DNAH9: variants seen among roughly 807,000 people sequenced by gnomAD.
The protein encoded by DNAH9 is dynein axonemal heavy chain 9.
Under a neutral mutation model 471.6 loss-of-function variants are expected in DNAH9, and 345 were observed. The ratio of observed to expected loss-of-function variants is 0.73; its 90% CI spans 0.67 to 0.80. DNAH9 has a LOEUF of 0.80. Ranked by LOEUF, DNAH9 falls within the 30% of genes least tolerant of loss-of-function variation. The pLI, the probability that DNAH9 is intolerant of heterozygous loss-of-function variation, is 0.00. For synonymous variants in DNAH9, 2,093 were observed against 2,123.6 expected, an observed-to-expected ratio of 0.99 and a Z score of 0.40; for missense variants, 5,407 against 5,609.2, an observed-to-expected ratio of 0.96 and a Z score of 1.15.
At chr17:11,622,968 C>CTTTTTTTTTTTTTTTTTTTTT (rs10551080) in intron 6 of DNAH9, among the ~76,000 whole-genome samples, 1 of 105,388 alleles carries the variant, frequency 9.5e-6, no homozygotes, top group Non-Finnish European at 1.9e-5. Context: ...TTTTCTTTTT[C>CTTTTTTTTTTTTTTTTTTTTT]TTTTTTTTTT....
chr17:11,939,904 G>A (rs1375993814), intron 66 of DNAH9, among the ~76,000 whole-genome samples: 1 of 151,746 alleles, frequency 6.6e-6, no homozygotes, highest in African/African-American at 2.4e-5. Flanking sequence ...GGATGGATGG[G>A]TGATGGGTAG....
At position 11,704,099 on chromosome 17, in the gene DNAH9, C is replaced by T; in HGVS notation, c.5152-104C>T. 5 of 1,300,924 alleles carry T rather than the reference C, an allele frequency of 3.8e-6. No homozygotes were observed. The South Asian group carries it at 4.0e-5, about 10-fold the overall frequency. The allele number at this position is 1,300,924 out of a possible 1,614,324, so 80.6% of individuals were successfully genotyped here. A position where few individuals can be genotyped will look rare whatever the true frequency, so the allele number is the denominator to read the frequency against. On this transcript the variant is annotated intron_variant, in intron 24 of 68. Coordinates refer to ENST00000262442, the MANE Select transcript of DNAH9 (RefSeq NM_001372.4). The stretch of plus-strand genomic sequence containing the variant: ...TGGTGGAAGAGGGAGGGATGGGGCT[C>T]ATGTCACCCACACAATTACATCCTG...
In DNAH9 at chr17:11,783,721, C is replaced by A. The variant is rs1054245982; in HGVS notation, c.7794C>A (p.Gly2598=). ...QYVSCMNPTA[G]SFTINPRLQR... Reference sequence around the variant, plus strand: ...TTTCCTGTATGAACCCCACGGCAGGCAGCTTCACCATCAACCCCCGGCTTC... The same window carrying A: ...TTTCCTGTATGAACCCCACGGCAGGAAGCTTCACCATCAACCCCCGGCTTC... The change falls in exon 40 of 69, where the codon GGC becomes GGA. Residue 2598 remains glycine, a synonymous_variant. Transcript: ENST00000262442. 6.2e-7 allele frequency: 1 copy of A among 1,614,138 alleles called. No individual in the cohort carries two copies. Among genetic ancestry groups the A allele is most frequent in the Non-Finnish European group, 8.5e-7 (1 of 1,180,014 alleles).
intron 1 of DNAH9, among the ~76,000 whole-genome samples, chr17:11,600,953 A>G (rs2072373306): frequency 6.6e-6 from 1 of 152,218 alleles, no homozygotes; most frequent in Non-Finnish European, 1.5e-5. Context: ...ACACACACCC[A>G]GCAAGCCACA....
chr17:11,828,611 T>C (rs1207043181), intron 48 of DNAH9, among the ~76,000 whole-genome samples: 2 of 152,188 alleles, frequency 1.3e-5, no homozygotes, highest in Admixed American at 1.3e-4. Context: ...CCCTTGCATA[T>C]TTCTGCATCC....
chr17:11,825,890 A>C (rs1416537282), intron 48 of DNAH9, among the ~76,000 whole-genome samples: 5 of 152,222 alleles, frequency 3.3e-5, no homozygotes, highest in Non-Finnish European at 5.9e-5. Context: ...GGCAATTCCC[A>C]GAATCAGGAC....
At chr17:11,733,135 G>A (rs1387849758) in intron 28 of DNAH9, among the ~76,000 whole-genome samples, 4 of 152,358 alleles carry the variant, frequency 2.6e-5, no homozygotes, top group East Asian at 1.9e-4. Context: ...AGTGGGAAGC[G>A]TGGAGCGGGC....
At position 11,929,966 on chromosome 17, in the gene DNAH9, A is replaced by G; in HGVS notation, c.11978A>G (p.Glu3993Gly). ...GAGTTCAGGGTCTTCATGAGTGCAG[A>G]GCCAGCACCCTCCCCTGAGGGCCAC... is the stretch of plus-strand genomic sequence containing the variant. ...HPEFRVFMSA[E>G]PAPSPEGHII... Residue 3993 changes from glutamate (E) to glycine (G), a missense_variant, in exon 63 of 69, where the codon GAG becomes GGG. This residue lies in a region of DNAH9 where 4,636 missense variants were observed against 4,900.3 expected (regional missense o/e 0.95). Transcript: ENST00000262442. 1.2e-6 allele frequency: 2 copies of G among 1,614,062 alleles called. No homozygotes were observed. Among genetic ancestry groups the G allele is most frequent in the East Asian group, 4.5e-5 (2 of 44,868 alleles).
rs1974610576 is a variant in DNAH9, at chr17:11,934,022, C to T, written c.12440C>T (p.Ala4147Val). The T allele has an allele frequency of 6.2e-7, 1 of 1,614,096 alleles. No individual in the cohort carries two copies. Among genetic ancestry groups the T allele is most frequent in the Non-Finnish European group, 8.5e-7 (1 of 1,179,986 alleles). ...ATGTTAGAAGGAGAACTGTCTTTGG[C>T]CCCAGGGTTCCCACTCCCAGGCAAC... is the stretch of plus-strand genomic sequence containing the variant. ...PEMLEGELSLAPGFPLPGNMD... is the reference protein window; with the variant it reads ...PEMLEGELSLVPGFPLPGNMD... The change falls in exon 65 of 69, where the codon GCC becomes GTC. Residue 4147 changes from alanine to valine, a missense_variant. Coordinates refer to ENST00000262442, the MANE Select transcript of DNAH9 (RefSeq NM_001372.4).
At chr17:11,882,697 C>G in intron 55 of DNAH9, among the ~76,000 whole-genome samples, 1 of 152,170 alleles carries the variant, frequency 6.6e-6, no homozygotes, top group East Asian at 1.9e-4. Flanking sequence ...CAATGCCATT[C>G]AGATAGTGAT....
Position 11,880,296 on chromosome 17 carries a change from C to T in DNAH9, c.10601+96C>T, listed in dbSNP as rs572194772. Reference sequence around the variant, plus strand: ...GTCTGCTCTTCCTAGAATTTCCTCTCTTCAGTTCATGTCAAGTAGCTCCCT... The same window carrying T: ...GTCTGCTCTTCCTAGAATTTCCTCTTTTCAGTTCATGTCAAGTAGCTCCCT... On this transcript the variant is annotated intron_variant, in intron 54 of 68. Coordinates refer to ENST00000262442, the MANE Select transcript of DNAH9 (RefSeq NM_001372.4). 1.5e-5 allele frequency: 23 copies of T among 1,504,078 alleles called. No individual in the cohort carries two copies. The South Asian group carries it at 2.6e-4, about 17-fold the overall frequency. 93.2% of individuals were successfully genotyped at this position (1,504,078 alleles called of 1,614,324 possible). A position where few individuals can be genotyped will look rare whatever the true frequency, so the allele number is the denominator to read the frequency against.
intron 31 of DNAH9, 129 bp downstream of exon 31, chr17:11,745,213 C>T (rs1261857133): frequency 1.3e-5 from 10 of 759,468 alleles, no homozygotes; most frequent in Non-Finnish European, 1.9e-5. Context: ...AGTAATAACT[C>T]AATTCATTTC....
At chr17:11,780,981 T>C (rs1272289708) in intron 38 of DNAH9, 28 bp from the exon 39 acceptor site, 3 of 1,607,450 alleles carry the variant, frequency 1.9e-6, no homozygotes. Flanking sequence ...TTGAGCCGCC[T>C]TCCCTCACCG....
intron 26 of DNAH9, among the ~76,000 whole-genome samples, chr17:11,706,432 G>A (rs61336410): frequency 2.4e-3 from 367 of 152,172 alleles, no homozygotes; most frequent in African/African-American, 8.6e-3. Context: ...TCTAATGAGG[G>A]AAATAAGACA....
chr17:11,837,533 G>C lies in DNAH9; in HGVS notation c.9507+2635G>C, dbSNP rs139413463. Among the ~76,000 whole-genome samples, 64 of 152,232 alleles carry C rather than the reference G, an allele frequency of 4.2e-4. 1 individual carries two copies. Among genetic ancestry groups the C allele is most frequent in the African/African-American group, 1.5e-3 (62 of 41,544 alleles). On this transcript the variant is annotated intron_variant, in intron 49 of 68. Transcript: ENST00000262442. Reference sequence around the variant, plus strand: ...GATCCTCCCTACTGCTACCACTCAGGTCCAAGCCACCATCATCTCTGCCTT... The same window carrying C: ...GATCCTCCCTACTGCTACCACTCAGCTCCAAGCCACCATCATCTCTGCCTT...
intron 66 of DNAH9, among the ~76,000 whole-genome samples, chr17:11,938,285 C>T (rs575594372): frequency 6.6e-6 from 1 of 152,022 alleles, no homozygotes; most frequent in South Asian, 2.1e-4. Flanking sequence ...TGGTGAAACC[C>T]CATCTCTACT....
In DNAH9 at chr17:11,891,822, G is replaced by A. The variant is rs1567880061; in HGVS notation, c.11158G>A (p.Asp3720Asn). Residue 3720 changes from aspartate (D) to asparagine (N), a missense_variant, in exon 58 of 69, where the codon GAC becomes AAC. Transcript: ENST00000262442. ...FQKAVERAAP[D>N]ESLRERVANL... ...GAAGGCTGTGGAGAGGGCTGCTCCT[G>A]ACGAAAGCCTCAGGGAGCGGGTGGC... 6.2e-7 allele frequency: 1 copy of A among 1,613,996 alleles called. No homozygotes were observed. Among genetic ancestry groups the A allele is most frequent in the Non-Finnish European group, 8.5e-7 (1 of 1,180,026 alleles).
At chr17:11,611,848 C>G (rs750203647) in intron 4 of DNAH9, 68 bp downstream of exon 4, 10 of 1,521,770 alleles carry the variant, frequency 6.6e-6, no homozygotes, top group Non-Finnish European at 8.2e-6. Context: ...GCATTCACCT[C>G]TCTCTGTCTG....
At chr17:11,861,292 G>A (rs1316071701) in intron 50 of DNAH9, among the ~76,000 whole-genome samples, 1 of 150,906 alleles carries the variant, frequency 6.6e-6, no homozygotes, top group African/African-American at 2.4e-5. Context: ...TTTTTTTCTT[G>A]CGATAGTTTA....
Sources: gnomAD v4.1 joint callset for allele counts (sites outside exome capture counted in the v4.1 genomes callset) on GRCh38, gnomAD v4.1.1 for gene constraint, gnomAD v4.1.1 regional missense constraint, MANE v1.5 for transcripts, NCBI Gene and HGNC (gene_info 2026-07-23, HGNC 2026-07-21) for gene names.